IL7: variants seen among roughly 807,000 people sequenced by gnomAD.
The protein encoded by IL7 is interleukin 7.
IL7 carries 3 observed loss-of-function variants against 21.6 expected under a neutral mutation model. The observed-to-expected ratio is 0.14, with a 90% CI of 0.06 to 0.36. IL7 has a LOEUF of 0.36. IL7 is among the 10% of genes least tolerant of loss of function. The probability of loss-of-function intolerance (pLI) is 1.00; values close to 1 mark genes in which losing one functional copy is unlikely to be tolerated. For missense variants in IL7, 175 were observed against 200.2 expected, an observed-to-expected ratio of 0.87 and a Z score of 0.76; for synonymous variants, 62 against 68.1, an observed-to-expected ratio of 0.91 and a Z score of 0.44.
At chr8:78,682,574 A>G (rs529306188) in intron 4 of IL7, among the ~76,000 whole-genome samples, 6 of 152,218 alleles carry the variant, frequency 3.9e-5, no homozygotes, top group Admixed American at 6.5e-5. Flanking sequence ...TTACCTCCCA[A>G]TGGGTTCCTC....
intron 3 of IL7, among the ~76,000 whole-genome samples, chr8:78,711,745 A>C (rs1310518421): frequency 1.3e-5 from 2 of 151,930 alleles, no homozygotes; most frequent in Non-Finnish European, 2.9e-5. Context: ...CCTGCTGTGT[A>C]TAATTTGACA....
chr8:78,687,895 TTA>T (rs1243402601), intron 3 of IL7, among the ~76,000 whole-genome samples: 1 of 58,076 alleles, frequency 1.7e-5, no homozygotes, highest in Admixed American at 2.5e-4. Context: ...ATATAATAAA[TTA>T]TATATATTTA....
chr8:78,736,415 G>A, intron 5 of IL7, 59 bp downstream of exon 5: 1 of 966,336 alleles, frequency 1.0e-6, no homozygotes, highest in African/African-American at 1.7e-5. Context: ...TGAAAAATTA[G>A]GAATTAAGTT....
chr8:78,712,372 A>G (rs1478639404), intron 3 of IL7, among the ~76,000 whole-genome samples: 1 of 152,114 alleles, frequency 6.6e-6, no homozygotes, highest in Non-Finnish European at 1.5e-5. Context: ...GTCACATTTA[A>G]TAATTATTTT....
At chr8:78,790,459 G>C (rs2130827872) in intron 2 of IL7, among the ~76,000 whole-genome samples, 1 of 151,906 alleles carries the variant, frequency 6.6e-6, no homozygotes, top group Non-Finnish European at 1.5e-5. Flanking sequence ...AATTAGCTCT[G>C]GGTTTTCATT....
intron 3 of IL7, chr8:78,712,009 C>T (rs1229864822): frequency 1.6e-6 from 2 of 1,289,374 alleles, no homozygotes; most frequent in Non-Finnish European, 2.0e-6. Flanking sequence ...CAAGTTAGGC[C>T]CTCCACTTCG....
intron 2 of IL7, chr8:78,761,063 G>T: frequency 5.6e-6 from 9 of 1,611,648 alleles, no homozygotes; most frequent in Non-Finnish European, 7.6e-6. Flanking sequence ...TCTAATATTT[G>T]TGTCACTATT....
chr8:78,766,251 AT>A (rs1812749753), intron 2 of IL7, among the ~76,000 whole-genome samples: 1 of 152,102 alleles, frequency 6.6e-6, no homozygotes, highest in South Asian at 2.1e-4. Context: ...CTGTAATATA[AT>A]TTGGATTGAA....
At chr8:78,697,288 C>T in intron 3 of IL7, 2 of 770,570 alleles carry the variant, frequency 2.6e-6, no homozygotes, top group Non-Finnish European at 4.0e-6. Flanking sequence ...ATTTCCACAA[C>T]TCTTTTCATC....
intron 2 of IL7, among the ~76,000 whole-genome samples, chr8:78,749,770 G>A (rs553307592): frequency 3.8e-4 from 58 of 152,112 alleles, no homozygotes; most frequent in Non-Finnish European, 6.8e-4. Context: ...CTGGTAGGAG[G>A]AGGGGAAAAA....
At chr8:78,680,806 A>T (rs1809751668) in intron 4 of IL7, among the ~76,000 whole-genome samples, 1 of 152,218 alleles carries the variant, frequency 6.6e-6, no homozygotes, top group African/African-American at 2.4e-5. Flanking sequence ...TCCTCATCTT[A>T]AAAGTGATTC....
intron 3 of IL7, chr8:78,689,141 G>A (rs1482114242): frequency 2.3e-5 from 24 of 1,044,578 alleles, no homozygotes; most frequent in Admixed American, 3.7e-5. Flanking sequence ...TTTTTTGAAT[G>A]ACTGCATAGA....
chr8:78,763,733 T>A (rs1240268038), intron 2 of IL7, among the ~76,000 whole-genome samples: 1 of 152,198 alleles, frequency 6.6e-6, no homozygotes, highest in African/African-American at 2.4e-5. Context: ...TGCTGAATTC[T>A]ATCAAATAGT....
At chr8:78,695,034 T>C (rs993258531) in intron 3 of IL7, among the ~76,000 whole-genome samples, 12 of 152,034 alleles carry the variant, frequency 7.9e-5, no homozygotes, top group African/African-American at 1.7e-4. Flanking sequence ...GTAGAATAGA[T>C]AGAATATAGC....
intron 2 of IL7, among the ~76,000 whole-genome samples, chr8:78,766,730 T>G (rs1356999566): frequency 6.6e-6 from 1 of 152,176 alleles, no homozygotes; most frequent in Non-Finnish European, 1.5e-5. Context: ...TAGTCAAATA[T>G]TTGCTCCTAC....
At chr8:78,734,724 G>A (rs1811513861) in intron 5 of IL7, among the ~76,000 whole-genome samples, 1 of 152,080 alleles carries the variant, frequency 6.6e-6, no homozygotes, top group Non-Finnish European at 1.5e-5. Context: ...AGATAATTTA[G>A]ATAACAAGTT....
At chr8:78,741,262 G>C (rs1450236093) in intron 2 of IL7, among the ~76,000 whole-genome samples, 1 of 152,168 alleles carries the variant, frequency 6.6e-6, no homozygotes, top group Non-Finnish European at 1.5e-5. Context: ...TACATCTCAA[G>C]TGTAAAAGAT....
intron 2 of IL7, chr8:78,761,326 C>T: frequency 6.2e-7 from 1 of 1,611,682 alleles, no homozygotes; most frequent in Admixed American, 1.7e-5. Flanking sequence ...ATTTTGCCAA[C>T]CACATATTTA....
intron 3 of IL7, among the ~76,000 whole-genome samples, chr8:78,693,995 T>G (rs1448767884): frequency 3.3e-5 from 5 of 152,214 alleles, no homozygotes; most frequent in African/African-American, 1.2e-4. Flanking sequence ...AGGGAATCCT[T>G]TCCACATTTC....
Sources: allele counts gnomAD v4.1 joint callset (sites outside exome capture counted in the v4.1 genomes callset), GRCh38; gene constraint gnomAD v4.1.1; transcripts MANE v1.5; gene names NCBI Gene and HGNC (gene_info 2026-07-23, HGNC 2026-07-21).